PACRG: variants seen among roughly 807,000 people sequenced by gnomAD.
PACRG encodes parkin coregulated gene protein.
PACRG carries 29 observed loss-of-function variants against 29.7 expected under a neutral mutation model. The ratio of observed to expected loss-of-function variants is 0.98; its 90% CI spans 0.73 to 1.33. The LOEUF is 1.33. Among genes scored for constraint, PACRG ranks in the 40% most tolerant of loss-of-function variants. PACRG has a pLI of 0.00. For synonymous variants in PACRG, 116 were observed against 118.7 expected (o/e 0.98, Z 0.15); for missense variants, 279 against 316.2 (o/e 0.88, Z 0.89).
chr6:163,080,280 G>A (rs1469895262), intron 3 of PACRG, among the ~76,000 whole-genome samples: 1 of 151,970 alleles, frequency 6.6e-6, no homozygotes, highest in Non-Finnish European at 1.5e-5. Flanking sequence ...CCTTCCTTTG[G>A]TCACCTTTTC....
At chr6:162,944,884 AAAAC>A (rs1362341566) in intron 2 of PACRG, among the ~76,000 whole-genome samples, 1 of 152,126 alleles carries the variant, frequency 6.6e-6, no homozygotes, top group Non-Finnish European at 1.5e-5. Context: ...GGTGAAGAAA[AAAAC>A]AAACAAAAAA....
chr6:162,891,187 C>A (rs566716019), intron 2 of PACRG, among the ~76,000 whole-genome samples: 1 of 152,334 alleles, frequency 6.6e-6, no homozygotes, highest in East Asian at 1.9e-4. Context: ...CCCAGCAGCA[C>A]TGCACTTTAC....
rs751329814 is a variant in PACRG at position 162,860,974 on chromosome 6, C to T, written c.291+46693C>T. On this transcript the variant is annotated intron_variant, in intron 2 of 4. Coordinates refer to ENST00000366888, the MANE Select transcript of PACRG (RefSeq NM_001080379.2). ...TAGTTGCTTTTTTGCTCACCAAACACATCAATACAGATGCAGATAAGGTGA... is the reference window on the plus strand; with the variant it reads ...TAGTTGCTTTTTTGCTCACCAAACATATCAATACAGATGCAGATAAGGTGA... Among the ~76,000 whole-genome samples the T allele has an allele frequency of 2.8e-4, 42 of 152,238 alleles. 1 individual carries two copies. Among genetic ancestry groups the T allele is most frequent in the Non-Finnish European group, 4.1e-4 (28 of 68,014 alleles).
intron 3 of PACRG, among the ~76,000 whole-genome samples, chr6:163,075,683 C>A (rs552624173): frequency 6.6e-6 from 1 of 152,190 alleles, no homozygotes; most frequent in East Asian, 1.9e-4. Flanking sequence ...CATTTGATAA[C>A]ATTTAACATT....
chr6:162,732,852 A>C (rs1315689339), intron 1 of PACRG, among the ~76,000 whole-genome samples: 1 of 152,198 alleles, frequency 6.6e-6, no homozygotes, highest in Admixed American at 6.5e-5. Context: ...TATAGAAAAA[A>C]AGTCAAGATA....
At chr6:162,742,141 G>C (rs772159145) in intron 1 of PACRG, among the ~76,000 whole-genome samples, 3 of 152,030 alleles carry the variant, frequency 2.0e-5, no homozygotes, top group Non-Finnish European at 4.4e-5. Context: ...CGTATGATAT[G>C]GTTTGGCTGT....
At chr6:162,919,905 A>G (rs1202391846) in intron 2 of PACRG, among the ~76,000 whole-genome samples, 1 of 152,186 alleles carries the variant, frequency 6.6e-6, no homozygotes, top group African/African-American at 2.4e-5. Context: ...TAAACATATA[A>G]CTATTTTATT....
At chr6:163,024,248 T>A (rs1806901849) in intron 2 of PACRG, among the ~76,000 whole-genome samples, 2 of 152,324 alleles carry the variant, frequency 1.3e-5, no homozygotes, top group African/African-American at 4.8e-5. Context: ...TTTTTGTATA[T>A]GGTGAAAGAT....
intron 2 of PACRG, among the ~76,000 whole-genome samples, chr6:162,818,518 G>T (rs1787551338): frequency 6.6e-6 from 1 of 152,192 alleles, no homozygotes; most frequent in South Asian, 2.1e-4. Context: ...GCGAAGAGAA[G>T]CATACAAGTG....
At chr6:162,851,274 C>T (rs977782323) in intron 2 of PACRG, among the ~76,000 whole-genome samples, 7 of 152,190 alleles carry the variant, frequency 4.6e-5, no homozygotes, top group Admixed American at 3.3e-4. Flanking sequence ...CTCCCTTCTG[C>T]ACCCTGGCCA....
intron 2 of PACRG, among the ~76,000 whole-genome samples, chr6:162,915,454 G>T (rs1168484372): frequency 6.6e-6 from 1 of 151,896 alleles, no homozygotes; most frequent in Non-Finnish European, 1.5e-5. Flanking sequence ...AAAACACCAG[G>T]AGCCTGGCCA....
At chr6:162,741,295 G>A (rs1189095911) in intron 1 of PACRG, among the ~76,000 whole-genome samples, 1 of 152,114 alleles carries the variant, frequency 6.6e-6, no homozygotes, top group Non-Finnish European at 1.5e-5. Flanking sequence ...ATTATTGCTA[G>A]GGTAGTGTCT....
chr6:162,839,054 C>T (rs1354567739), intron 2 of PACRG, among the ~76,000 whole-genome samples: 6 of 133,320 alleles, frequency 4.5e-5, no homozygotes, highest in African/African-American at 1.5e-4. Flanking sequence ...AATAAACATA[C>T]GTGTGCATGT....
At chr6:163,269,220 C>T (rs533222042) in intron 4 of PACRG, among the ~76,000 whole-genome samples, 1 of 152,166 alleles carries the variant, frequency 6.6e-6, no homozygotes, top group East Asian at 1.9e-4. Context: ...TTTTGCCCAT[C>T]CAGCACCTGG....
chr6:162,919,313 A>G (rs1051425455), intron 2 of PACRG, among the ~76,000 whole-genome samples: 1 of 152,204 alleles, frequency 6.6e-6, no homozygotes, highest in African/African-American at 2.4e-5. Flanking sequence ...ACAAAGAGAC[A>G]GTATGGGATT....
At chr6:163,251,794 G>T (rs919517104) in intron 4 of PACRG, among the ~76,000 whole-genome samples, 1 of 152,192 alleles carries the variant, frequency 6.6e-6, no homozygotes, top group Non-Finnish European at 1.5e-5. Flanking sequence ...TGGAAAATAA[G>T]AAATGGGCTT....
At chr6:163,262,830 G>A (rs563503595) in intron 4 of PACRG, among the ~76,000 whole-genome samples, 137 of 150,004 alleles carry the variant, frequency 9.1e-4, no homozygotes, top group Middle Eastern at 3.4e-3. Context: ...TCACTTGAGC[G>A]CAGAAGTTCA....
chr6:162,829,819 G>T (rs1335536233), intron 2 of PACRG, among the ~76,000 whole-genome samples: 1 of 152,108 alleles, frequency 6.6e-6, no homozygotes, highest in East Asian at 1.9e-4. Context: ...AGAACTTCCT[G>T]CTTCTTCCAT....
intron 2 of PACRG, chr6:163,054,026 CAG>C (rs1810298956): frequency 6.6e-6 from 1 of 152,090 alleles, no homozygotes; most frequent in South Asian, 2.1e-4. Flanking sequence ...AAAAATCAAA[CAG>C]GGTGATAGAC....
Sources: allele counts gnomAD v4.1 joint callset (sites outside exome capture counted in the v4.1 genomes callset), GRCh38; gene constraint gnomAD v4.1.1; transcripts MANE v1.5; gene names NCBI Gene and HGNC (gene_info 2026-07-23, HGNC 2026-07-21).